MED13L: variants seen among roughly 807,000 people sequenced by gnomAD.
MED13L encodes the protein mediator of RNA polymerase II transcription subunit 13-like.
A neutral mutation model predicts 220.9 loss-of-function variants in MED13L; 7 were observed. The ratio of observed to expected loss-of-function variants is 0.03; its 90% CI spans 0.02 to 0.06. The LOEUF is 0.06. Among genes scored for constraint, MED13L ranks in the 10% least tolerant of loss-of-function variants. The probability of loss-of-function intolerance (pLI) is 1.00; values close to 1 mark genes in which losing one functional copy is unlikely to be tolerated. For missense variants in MED13L, 1,965 were observed against 2,760.5 expected (o/e 0.71, Z 6.46); for synonymous variants, 1,011 against 1,015.2 (o/e 1.00, Z 0.08).
chr12:116,204,964 G>A (rs996146273), intron 2 of MED13L, among the ~76,000 whole-genome samples: 3 of 152,114 alleles, frequency 2.0e-5, no homozygotes, highest in African/African-American at 7.2e-5. Context: ...TCACAGCTGG[G>A]ACAAATACTG....
At position 116,006,332 on chromosome 12, in the gene MED13L, G is replaced by A; in HGVS notation, c.2318C>T (p.Ser773Phe). 6.2e-7 allele frequency: 1 copy of A among 1,613,978 alleles called. No individual in the cohort carries two copies. The highest frequency in any genetic ancestry group is 8.5e-7 in the Non-Finnish European group (1 of 1,179,874). Residue 773 changes from serine (S) to phenylalanine (F), a missense_variant, in exon 12 of 31, where the codon TCT (serine) becomes TTT (phenylalanine). Ser to Phe is a radical substitution (Grantham distance 155). Around this residue, in one of 10 missense-constraint regions of MED13L, gnomAD observed 818 missense variants for 1,041.2 expected, o/e 0.79. Coordinates refer to ENST00000281928, the MANE Select transcript of MED13L (RefSeq NM_015335.5). ...TGTTTTAGTAGCAGAACTGAAAATA[G>A]ACATGGCATTTTTCCCATCAGGCAC... ...TPVPDGKNAM[S>F]IFSSATKTDV... is the part of the protein sequence containing the mutation.
chr12:116,100,774 A>G (rs1203785084), intron 3 of MED13L, among the ~76,000 whole-genome samples: 2 of 151,970 alleles, frequency 1.3e-5, no homozygotes, highest in Non-Finnish European at 2.9e-5. Flanking sequence ...GGGTGTGGTC[A>G]TGCACACCTG....
At chr12:116,140,294 T>C (rs1191279994) in intron 2 of MED13L, among the ~76,000 whole-genome samples, 1 of 152,152 alleles carries the variant, frequency 6.6e-6, no homozygotes, top group East Asian at 1.9e-4. Flanking sequence ...TTAATGAAGG[T>C]AAAGATTTGC....
intron 1 of MED13L, among the ~76,000 whole-genome samples, chr12:116,271,854 G>GAAATAA (rs1164685416): frequency 2.0e-5 from 3 of 151,734 alleles, no homozygotes; most frequent in African/African-American, 7.3e-5. Flanking sequence ...GTCTAATCTG[G>GAAATAA]CTAACTGGTT....
intron 4 of MED13L, among the ~76,000 whole-genome samples, chr12:116,085,441 A>C (rs1871566475): frequency 6.6e-6 from 1 of 152,148 alleles, no homozygotes; most frequent in South Asian, 2.1e-4. Context: ...TGGTGAAGAG[A>C]CTATTTCTAT....
chr12:115,988,813 T>C (rs1371934741), intron 17 of MED13L, among the ~76,000 whole-genome samples: 2 of 152,230 alleles, frequency 1.3e-5, no homozygotes, highest in African/African-American at 4.8e-5. Flanking sequence ...CACTGATTCA[T>C]GCACACAGAC....
chr12:115,991,016 C>T lies in MED13L; in HGVS notation c.3934+4G>A. The T allele has an allele frequency of 6.2e-7, 1 of 1,613,206 alleles. No individual in the cohort carries two copies. The highest frequency in any genetic ancestry group is 8.5e-7 in the Non-Finnish European group (1 of 1,179,716). On this transcript the variant is annotated splice_donor_region_variant and intron_variant, in intron 17 of 30. Transcript: ENST00000281928. The surrounding 1 kb of genome is among the most constrained non-coding windows in gnomAD (Gnocchi z 7.7). ...AAAGTAAATTTGTGTTCTGGGACACCTACCATTGCTGTGAGGCCAAGAGTG... is the reference window on the plus strand; with the variant it reads ...AAAGTAAATTTGTGTTCTGGGACACTTACCATTGCTGTGAGGCCAAGAGTG...
chr12:116,095,555 G>A (rs561199439), intron 4 of MED13L, among the ~76,000 whole-genome samples: 49 of 152,278 alleles, frequency 3.2e-4, no homozygotes, highest in African/African-American at 1.1e-3. Context: ...AGCAAGCAAA[G>A]GTTCCTAATG....
chr12:115,972,869 T>A (rs1317189471), intron 25 of MED13L, among the ~76,000 whole-genome samples: 2 of 152,202 alleles, frequency 1.3e-5, no homozygotes, highest in African/African-American at 4.8e-5. Context: ...ACTGGAGCAC[T>A]GTGGAGGATT....
At chr12:116,046,546 AT>A (rs1881847456) in intron 4 of MED13L, among the ~76,000 whole-genome samples, 1 of 152,260 alleles carries the variant, frequency 6.6e-6, no homozygotes, top group Admixed American at 6.5e-5. Context: ...AAACATAAAA[AT>A]ATAATTAAAT....
intron 2 of MED13L, among the ~76,000 whole-genome samples, chr12:116,118,930 A>T (rs1874765552): frequency 6.6e-6 from 1 of 152,210 alleles, no homozygotes; most frequent in South Asian, 2.1e-4. Context: ...ACAATTAAAT[A>T]ACATATAATC....
chr12:116,009,005 C>A lies in MED13L; in HGVS notation c.1408G>T (p.Ala470Ser). The change falls in exon 10 of 31, where the codon GCA becomes TCA. Residue 470 changes from alanine to serine, a missense_variant. Physicochemically the swap from Ala to Ser is moderately conservative, Grantham distance 99. This residue lies in a region of MED13L where 818 missense variants were observed against 1,041.2 expected (regional missense o/e 0.79). Transcript: ENST00000281928. The stretch of plus-strand genomic sequence containing the variant: ...TTGTCTCCTTTTTCCTGTCTTTCTG[C>A]TGTTTTGTGCTTAGAAGAAGCAGGA... ...PPPASSKHKT[A>S]ERQEKGDKLQ... The A allele has an allele frequency of 6.2e-7, 1 of 1,613,998 alleles. No individual in the cohort carries two copies. The highest frequency in any genetic ancestry group is 1.3e-5 in the African/African-American group (1 of 74,998).
At chr12:116,047,096 TCCCAGCACTTTGGGACA>T (rs1881883888) in intron 4 of MED13L, among the ~76,000 whole-genome samples, 1 of 152,198 alleles carries the variant, frequency 6.6e-6, no homozygotes, top group Non-Finnish European at 1.5e-5. Context: ...ATGCCTGTAA[TCCCAGCACTTTGGGACA>T]CCAAAGCGGG....
intron 4 of MED13L, among the ~76,000 whole-genome samples, chr12:116,052,349 T>A (rs1055614919): frequency 1.3e-5 from 2 of 152,122 alleles, no homozygotes; most frequent in African/African-American, 4.8e-5. Context: ...TGTTGCTGAG[T>A]CCTGTATTAC....
At chr12:116,015,372 T>C in intron 7 of MED13L, 98 bp from the exon 8 acceptor site, 1 of 1,311,202 alleles carries the variant, frequency 7.6e-7, no homozygotes. Context: ...TTTTAATTGT[T>C]GAAAGTCATA....
intron 8 of MED13L, among the ~76,000 whole-genome samples, chr12:116,013,188 C>A (rs762941049): frequency 3.3e-5 from 5 of 152,118 alleles, no homozygotes; most frequent in Non-Finnish European, 7.4e-5. Flanking sequence ...TCCTGGGCAA[C>A]ATGGCAAAAC....
At chr12:116,269,367 T>C (rs1279878638) in intron 1 of MED13L, among the ~76,000 whole-genome samples, 1 of 149,538 alleles carries the variant, frequency 6.7e-6, no homozygotes, top group Non-Finnish European at 1.5e-5. Context: ...ATCATCTAGG[T>C]ATTAAGCCCA....
At chr12:116,062,570 C>T (rs180762681) in intron 4 of MED13L, among the ~76,000 whole-genome samples, 255 of 149,638 alleles carry the variant, frequency 1.7e-3, no homozygotes, top group Non-Finnish European at 2.8e-3. Context: ...TCACTGCAAC[C>T]TCCACCTCCC....
At chr12:116,182,701 G>A (rs1052768712) in intron 2 of MED13L, among the ~76,000 whole-genome samples, 2 of 152,164 alleles carry the variant, frequency 1.3e-5, no homozygotes, top group African/African-American at 4.8e-5. Context: ...TGAAAAAGTA[G>A]AAGGGTGATA....
Sources: gnomAD v4.1 joint callset for allele counts (sites outside exome capture counted in the v4.1 genomes callset) on GRCh38, gnomAD v4.1.1 for gene constraint, gnomAD v4.1.1 regional missense constraint, Gnocchi (gnomAD v3.1) non-coding constraint, MANE v1.5 for transcripts, NCBI Gene and HGNC (gene_info 2026-07-23, HGNC 2026-07-21) for gene names.